DDX18: variants seen among roughly 807,000 people sequenced by gnomAD.
DDX18 encodes the protein ATP-dependent RNA helicase DDX18.
In DDX18, 23 loss-of-function variants were observed where a neutral mutation model predicts 73.5. The ratio of observed to expected loss-of-function variants is 0.31; its 90% CI spans 0.23 to 0.44. The LOEUF (loss-of-function observed/expected upper bound fraction) is 0.44. Among genes scored for constraint, DDX18 ranks in the 20% least tolerant of loss-of-function variants. DDX18 has a pLI of 1.00. For synonymous variants in DDX18, 268 were observed against 282.7 expected, an observed-to-expected ratio of 0.95 and a Z score of 0.52; for missense variants, 753 against 792.9, an observed-to-expected ratio of 0.95 and a Z score of 0.60.
intron 9 of DDX18, 22 bp downstream of exon 9, chr2:117,825,123 A>T (rs758209197): frequency 1.1e-5 from 17 of 1,600,122 alleles, no homozygotes; most frequent in Non-Finnish European, 1.4e-5. Context: ...TGATGAGCTC[A>T]TTGAAAACAG....
intron 11 of DDX18, chr2:117,828,599 G>A (rs1464195364): frequency 4.8e-6 from 1 of 208,672 alleles, no homozygotes; most frequent in Non-Finnish European, 9.6e-6. Context: ...GGGGTATTAG[G>A]GCCCCTCTTC....
intron 8 of DDX18, 22 bp from the exon 9 acceptor site, chr2:117,824,918 T>G: frequency 6.3e-7 from 1 of 1,587,998 alleles, no homozygotes; most frequent in Non-Finnish European, 8.5e-7. Flanking sequence ...CATTTGTATC[T>G]GTCTGCTTAA....
chr2:117,824,707 A>G lies in DDX18; in HGVS notation c.1205A>G (p.Gln402Arg), dbSNP rs201281939. The G allele has an allele frequency of 6.7e-7, 1 of 1,481,934 alleles. No homozygotes were observed. Among genetic ancestry groups the G allele is most frequent in the Non-Finnish European group, 9.0e-7 (1 of 1,117,116 alleles). 91.8% of individuals were successfully genotyped at this position (1,481,934 alleles called of 1,614,324 possible). The change falls in exon 8 of 14, where the codon CAG becomes CGG. Residue 402 changes from glutamine (Q) to arginine (R), a missense_variant and splice_region_variant. Gln to Arg is a conservative substitution (Grantham distance 43). Around this residue, in one of 3 missense-constraint regions of DDX18, gnomAD observed 402 missense variants for 419.4 expected, o/e 0.96. Coordinates refer to ENST00000263239, the MANE Select transcript of DDX18 (RefSeq NM_006773.4). ...KANATVDGLE[Q>R]GYVVCPSEKR... is the part of the protein sequence containing the mutation. Reference sequence around the variant, plus strand: ...AATGCAACAGTGGATGGTCTTGAACAGGTACTTTTTATCAATAACTGAAAA... The same window carrying G: ...AATGCAACAGTGGATGGTCTTGAACGGGTACTTTTTATCAATAACTGAAAA...
intron 8 of DDX18, 95 bp from the exon 9 acceptor site, chr2:117,824,845 T>A (rs968079512): frequency 6.7e-7 from 1 of 1,482,490 alleles, no homozygotes; most frequent in African/African-American, 1.4e-5. Flanking sequence ...GTTTACACAC[T>A]GTGTTTATCA....
chr2:117,817,702 G>A lies in DDX18; in HGVS notation c.344G>A (p.Arg115Lys). 1 of 1,603,436 alleles carries A rather than the reference G, an allele frequency of 6.2e-7. No homozygotes were observed. The highest frequency in any genetic ancestry group is 1.7e-5 in the Admixed American group (1 of 57,524). The change falls in exon 2 of 14, where the codon AGA (arginine) becomes AAA (lysine). Residue 115 changes from arginine (R) to lysine (K), a missense_variant. This residue lies in a region of DDX18 where 345 missense variants were observed against 352.0 expected (regional missense o/e 0.98). Coordinates refer to ENST00000263239, the MANE Select transcript of DDX18 (RefSeq NM_006773.4). ...SESKKKKKKK[R>K]KMVNDAEPDT... ...TCAAAAAAGAAAAAGAAGAAAAAGAGAAAAATGGTGAATGATGCTGAGCCT... is the reference window on the plus strand; with the variant it reads ...TCAAAAAAGAAAAAGAAGAAAAAGAAAAAAATGGTGAATGATGCTGAGCCT...
chr2:117,824,481 A>G (rs1679892425), intron 7 of DDX18, 88 bp from the exon 8 acceptor site: 12 of 1,189,106 alleles, frequency 1.0e-5, no homozygotes, highest in Non-Finnish European at 1.3e-5. Context: ...CCCATTTCTG[A>G]TATCTCTACC....
In DDX18 at chr2:117,817,878, T is replaced by G. The variant is rs1273528885; in HGVS notation, c.370+150T>G. ...TTAGCCTGGTAGCTAATGGAAACAT[T>G]TTATTGGCAGAAGCGGGGAGTCCAT... On this transcript the variant is annotated intron_variant, in intron 2 of 13. Coordinates refer to ENST00000263239, the MANE Select transcript of DDX18 (RefSeq NM_006773.4). The G allele has an allele frequency of 4.0e-6, 3 of 742,754 alleles. No homozygotes were observed. The African/African-American group carries it at 5.4e-5, about 13-fold the overall frequency. 46.0% of individuals were successfully genotyped at this position (742,754 alleles called of 1,614,324 possible).
intron 7 of DDX18, chr2:117,822,494 T>A (rs1679862972): frequency 2.4e-6 from 1 of 415,882 alleles, no homozygotes; most frequent in Admixed American, 3.8e-5. Context: ...TTCACATAGG[T>A]CCTGTCCTCC....
Position 117,821,357 on chromosome 2 carries a change from G to T in DDX18, c.650+61G>T, listed in dbSNP as rs1041681012. 5.8e-6 allele frequency: 9 copies of T among 1,541,086 alleles called. No individual in the cohort carries two copies. The African/African-American group carries it at 1.2e-4, about 21-fold the overall frequency. On this transcript the variant is annotated intron_variant, in intron 4 of 13. Transcript: ENST00000263239. ...ATTTTTAGAACTAGTAGATGATAAA[G>T]AACATACCAGTATATTCTGTTGATT...
chr2:117,825,752 A>C (rs1370328975), intron 10 of DDX18, 153 bp downstream of exon 10: 2 of 917,806 alleles, frequency 2.2e-6, no homozygotes, highest in African/African-American at 3.3e-5. Flanking sequence ...AAAAGTACTT[A>C]AGGCTTTTCA....
chr2:117,819,928 C>A, intron 3 of DDX18, 136 bp downstream of exon 3: 1 of 745,346 alleles, frequency 1.3e-6, no homozygotes, highest in Non-Finnish European at 1.9e-6. Flanking sequence ...TTTTTTATAT[C>A]TTTCTGCTGC....
intron 2 of DDX18, 32 bp from the exon 3 acceptor site, chr2:117,819,617 A>T (rs1285108653): frequency 3.3e-6 from 5 of 1,526,598 alleles, no homozygotes; most frequent in Non-Finnish European, 3.5e-6. Context: ...TTAAGGAAAA[A>T]TTTTTTCGGA....
Position 117,822,199 on chromosome 2 carries a change from C to G in DDX18, c.1004C>G (p.Ala335Gly), listed in dbSNP as rs1228713726. Residue 335 changes from alanine (A) to glycine (G), a missense_variant, in exon 7 of 14, where the codon GCT becomes GGT. By Grantham distance (60) the Ala-to-Gly change is moderately conservative. Around this residue, in one of 3 missense-constraint regions of DDX18, gnomAD observed 402 missense variants for 419.4 expected, o/e 0.96. Coordinates refer to ENST00000263239, the MANE Select transcript of DDX18 (RefSeq NM_006773.4). Reference protein sequence around the residue: ...KNLQCLVIDEADRILDVGFEE... With the variant: ...KNLQCLVIDEGDRILDVGFEE... ...CTGCAGTGTCTGGTTATTGATGAAG[C>G]TGATCGTATCTTGGATGTGGGGTTT... The G allele has an allele frequency of 1.9e-6, 3 of 1,613,874 alleles. No homozygotes were observed. The African/African-American group carries it at 4.0e-5, about 22-fold the overall frequency.
chr2:117,815,175 C>G, intron 1 of DDX18: 2 of 330,296 alleles, frequency 6.1e-6, no homozygotes, highest in Non-Finnish European at 1.1e-5. Flanking sequence ...TTTTGGTTCC[C>G]TCACCACCTG....
intron 1 of DDX18, chr2:117,815,135 T>G: frequency 4.5e-6 from 2 of 445,420 alleles, no homozygotes; most frequent in South Asian, 6.1e-5. Context: ...GGCTTACGAC[T>G]AACCCTGCCT....
intron 12 of DDX18, 70 bp from the exon 13 acceptor site, chr2:117,829,219 T>G: frequency 6.7e-7 from 1 of 1,491,958 alleles, no homozygotes; most frequent in South Asian, 1.3e-5. Context: ...TCTAGGATAT[T>G]TAAAATCTGG....
At chr2:117,814,972 G>A in intron 1 of DDX18, 110 bp downstream of exon 1, 1 of 1,128,856 alleles carries the variant, frequency 8.9e-7, no homozygotes, top group Non-Finnish European at 1.3e-6. Flanking sequence ...TTCCCCTGCA[G>A]CGTGTGTGAT....
At chr2:117,829,078 G>A in intron 12 of DDX18, 73 bp downstream of exon 12, 2 of 1,330,006 alleles carry the variant, frequency 1.5e-6, no homozygotes, top group South Asian at 1.2e-5. Context: ...GATTCACTGG[G>A]CAATCACTGT....
At position 117,817,591 on chromosome 2, in the gene DDX18, T is replaced by C; in HGVS notation, c.233T>C (p.Val78Ala). Residue 78 changes from valine to alanine, a missense_variant, in exon 2 of 14, where the codon GTG becomes GCG. By Grantham distance (64) the Val-to-Ala change is moderately conservative (BLOSUM62 0). Transcript: ENST00000263239. ...TQNGGMSQEA[V>A]GNIKVTKSPQ... ...AATGGAGGCATGTCTCAAGAAGCAG[T>C]GGGAAATATAAAAGTTACAAAGTCT... is the stretch of plus-strand genomic sequence containing the variant. The C allele has an allele frequency of 1.2e-6, 2 of 1,613,864 alleles. No homozygotes were observed. Among genetic ancestry groups the C allele is most frequent in the East Asian group, 2.2e-5 (1 of 44,836 alleles).
Sources: gnomAD v4.1 joint callset for allele counts on GRCh38, gnomAD v4.1.1 for gene constraint, gnomAD v4.1.1 regional missense constraint, MANE v1.5 for transcripts, NCBI Gene and HGNC (gene_info 2026-07-23, HGNC 2026-07-21) for gene names.